SFMBT1: variants seen among roughly 807,000 people sequenced by gnomAD.
SFMBT1 encodes Scm like with four mbt domains 1.
A neutral mutation model predicts 108.7 loss-of-function variants in SFMBT1; 32 were observed. That is an observed-to-expected ratio of 0.29 (90% CI 0.22 to 0.40). SFMBT1 has a LOEUF of 0.40. Among genes scored for constraint, SFMBT1 ranks in the 10% least tolerant of loss-of-function variants. The probability of loss-of-function intolerance (pLI) is 1.00; values close to 1 mark genes in which losing one functional copy is unlikely to be tolerated. For missense variants in SFMBT1, 816 were observed against 1,059.6 expected (o/e 0.77, Z 3.19); for synonymous variants, 348 against 369.5 (o/e 0.94, Z 0.67).
intron 1 of SFMBT1, among the ~76,000 whole-genome samples, chr3:53,013,615 C>CTTTT (rs397989629): frequency 5.5e-4 from 32 of 58,102 alleles, no homozygotes; most frequent in African/African-American, 7.6e-4. Context: ...TATAAAGAAT[C>CTTTT]TTTTTTTTTT....
chr3:52,924,210 G>A (rs959084093), intron 10 of SFMBT1, among the ~76,000 whole-genome samples: 9 of 152,148 alleles, frequency 5.9e-5, no homozygotes, highest in Non-Finnish European at 1.0e-4. Context: ...GGAAGGTACT[G>A]AGAGATGGGG....
intron 1 of SFMBT1, among the ~76,000 whole-genome samples, chr3:52,982,764 G>A (rs944730417): frequency 3.1e-5 from 4 of 128,620 alleles, no homozygotes; most frequent in African/African-American, 1.2e-4. Flanking sequence ...GATATAGATC[G>A]TGGAGAAATT....
chr3:52,943,444 C>T lies in SFMBT1; in HGVS notation c.273G>A (p.Arg91=), dbSNP rs777468818. The change falls in exon 4 of 21, where the codon CGG becomes CGA. Residue 91 remains arginine (R), a synonymous_variant. Coordinates refer to ENST00000394752, the MANE Select transcript of SFMBT1 (RefSeq NM_016329.4). The part of the protein sequence containing the change: ...LLRYDGYGED[R]RADFWCDIRK... ...TGATGTCACACCAGAAATCTGCTCT[C>T]CGATCCTCCCCATAGCCATCATAGC... 1.2e-6 allele frequency: 2 copies of T among 1,614,098 alleles called. No individual in the cohort carries two copies. Among genetic ancestry groups the T allele is most frequent in the Non-Finnish European group, 1.7e-6 (2 of 1,180,042 alleles).
chr3:53,044,450 T>C lies in SFMBT1; in HGVS notation c.-131+1366A>G, dbSNP rs532211783. ...TGGCCGTTTCTACCAGGCCGTAACT[T>C]TTCTGACATCGCAAACAAATCTTAA... is the stretch of plus-strand genomic sequence containing the variant. On this transcript the variant is annotated intron_variant, in intron 1 of 20. Transcript: ENST00000394752. Among the ~76,000 whole-genome samples the C allele has an allele frequency of 9.8e-4, 120 of 122,932 alleles. 2 individuals are homozygous for C. In the South Asian group the frequency reaches 0.027, roughly 28 times the overall value. The allele number at this position is 122,932 out of a possible 152,430, so 80.6% of individuals were successfully genotyped here. A position where few individuals can be genotyped will look rare whatever the true frequency, so the allele number is the denominator to read the frequency against.
At chr3:53,028,670 T>C (rs544336685) in intron 1 of SFMBT1, among the ~76,000 whole-genome samples, 4 of 151,996 alleles carry the variant, frequency 2.6e-5, no homozygotes, top group South Asian at 4.2e-4. Context: ...CTGGGTGACA[T>C]AGCAAGACCC....
intron 1 of SFMBT1, among the ~76,000 whole-genome samples, chr3:52,989,374 T>C (rs1325905703): frequency 1.0e-4 from 15 of 149,984 alleles, no homozygotes; most frequent in African/African-American, 3.4e-4. Flanking sequence ...GAGCCAGAGC[T>C]TGCAGTGAGC....
intron 1 of SFMBT1, among the ~76,000 whole-genome samples, chr3:52,981,772 T>A (rs1704721030): frequency 6.6e-6 from 1 of 151,932 alleles, no homozygotes; most frequent in Non-Finnish European, 1.5e-5. Flanking sequence ...AGTACCCGGA[T>A]TTAAGGGAGG....
At chr3:53,034,448 G>C (rs968103508) in intron 1 of SFMBT1, among the ~76,000 whole-genome samples, 10 of 151,886 alleles carry the variant, frequency 6.6e-5, no homozygotes, top group Non-Finnish European at 1.5e-4. Flanking sequence ...GTGGTGGTGC[G>C]TGCCTGTCTA....
At position 52,904,674 on chromosome 3, in the gene SFMBT1, G is replaced by A; in HGVS notation, c.*462C>T. 6.5e-6 allele frequency: 1 copy of A among 153,746 alleles called. No homozygotes were observed. Among genetic ancestry groups the A allele is most frequent in the Non-Finnish European group, 1.5e-5 (1 of 68,816 alleles). The allele number at this position is 153,746 out of a possible 1,614,324, so 9.5% of individuals were successfully genotyped here. On this transcript the variant is annotated 3_prime_UTR_variant, in exon 21 of 21. Coordinates refer to ENST00000394752, the MANE Select transcript of SFMBT1 (RefSeq NM_016329.4). ...AAAAACACAATGACAATGAAGCACT[G>A]ATATGCCTTAGGAACAGTCCCAAAT...
At chr3:52,925,888 T>C (rs1702643008) in intron 10 of SFMBT1, 143 bp downstream of exon 10, 1 of 644,000 alleles carries the variant, frequency 1.6e-6, no homozygotes, top group Non-Finnish European at 2.6e-6. Flanking sequence ...TATTTTCCTT[T>C]AGACCATGTG....
chr3:52,910,600 T>C (rs1359118858), intron 17 of SFMBT1, among the ~76,000 whole-genome samples: 1 of 152,174 alleles, frequency 6.6e-6, no homozygotes, highest in African/African-American at 2.4e-5. Context: ...GTGATTCTCC[T>C]GCCTCAGCCT....
intron 4 of SFMBT1, among the ~76,000 whole-genome samples, chr3:52,941,595 A>AAAAAC (rs1703186217): frequency 7.6e-6 from 1 of 132,444 alleles, no homozygotes; most frequent in Non-Finnish European, 1.6e-5. Flanking sequence ...CTCTGTTTCA[A>AAAAAC]AAAAAAAAAA....
At chr3:52,915,807 T>G (rs1221789827) in intron 14 of SFMBT1, among the ~76,000 whole-genome samples, 18 of 152,242 alleles carry the variant, frequency 1.2e-4, no homozygotes, top group Non-Finnish European at 8.8e-5. Flanking sequence ...AAGAATAAAC[T>G]TCTACCTCTC....
At chr3:52,957,324 G>A (rs1393646980) in intron 2 of SFMBT1, among the ~76,000 whole-genome samples, 1 of 152,154 alleles carries the variant, frequency 6.6e-6, no homozygotes, top group Non-Finnish European at 1.5e-5. Context: ...AATGAGAGAG[G>A]ACACAAACAA....
intron 5 of SFMBT1, among the ~76,000 whole-genome samples, chr3:52,934,595 T>A (rs1288833083): frequency 6.6e-6 from 1 of 152,154 alleles, no homozygotes; most frequent in Non-Finnish European, 1.5e-5. Flanking sequence ...GAAATTAGAT[T>A]TTTTATGTGT....
intron 1 of SFMBT1, among the ~76,000 whole-genome samples, chr3:53,038,857 A>G (rs1200650978): frequency 6.6e-6 from 1 of 152,242 alleles, no homozygotes; most frequent in Non-Finnish European, 1.5e-5. Context: ...GGATTGAGTC[A>G]CTGAATATGC....
rs1703449948 is a variant in SFMBT1 at position 52,948,434 on chromosome 3, C to T, written c.124-4841G>A. 2.0e-5 allele frequency among the ~76,000 whole-genome samples: 3 copies of T among 152,018 alleles called. No homozygotes were observed. The South Asian group carries it at 6.2e-4, about 31-fold the overall frequency. The stretch of plus-strand genomic sequence containing the variant: ...ATATCCATATAAAAATCAGAATCAG[C>T]TTGTCAATTTCTACCTAAAATTTTA... On this transcript the variant is annotated intron_variant, in intron 3 of 20. Transcript: ENST00000394752.
chr3:52,985,314 G>A (rs969684946), intron 1 of SFMBT1, among the ~76,000 whole-genome samples: 7 of 152,112 alleles, frequency 4.6e-5, no homozygotes, highest in African/African-American at 1.7e-4. Flanking sequence ...CTCATGTCAA[G>A]TCACAGATCA....
intron 4 of SFMBT1, 102 bp downstream of exon 4, chr3:52,943,251 T>C (rs1696461316): frequency 7.1e-7 from 1 of 1,411,328 alleles, no homozygotes. Context: ...AAAAGCTGGG[T>C]AAACCTATAT....
Sources: allele counts gnomAD v4.1 joint callset (sites outside exome capture counted in the v4.1 genomes callset), GRCh38; gene constraint gnomAD v4.1.1; transcripts MANE v1.5; gene names NCBI Gene and HGNC (gene_info 2026-07-23, HGNC 2026-07-21).